The following ATP8B4 variants were observed in gnomAD, a reference collection of about 807,000 sequenced individuals.
ATP8B4 encodes the protein ATPase phospholipid transporting 8B4 (putative), also known as probable phospholipid-transporting ATPase IM.
ATP8B4 carries 133 observed loss-of-function variants against 145.6 expected under a neutral mutation model. The observed-to-expected ratio is 0.91, with a 90% CI of 0.79 to 1.05. The LOEUF is 1.05. ATP8B4 is among the 50% of genes least tolerant of loss of function. The pLI is 0.00. For missense variants in ATP8B4, 1,458 were observed against 1,425.2 expected, an observed-to-expected ratio of 1.02 and a Z score of -0.37; for synonymous variants, 507 against 492.9, an observed-to-expected ratio of 1.03 and a Z score of -0.38.
chr15:49,957,688 G>A (rs146817106), intron 14 of ATP8B4, among the ~76,000 whole-genome samples: 8 of 152,060 alleles, frequency 5.3e-5, no homozygotes, highest in African/African-American at 1.9e-4. Context: ...AGTCAAAAAA[G>A]AGTACTTTTA....
At chr15:50,085,933 ATATT>A (rs1472533810) in intron 2 of ATP8B4, among the ~76,000 whole-genome samples, 63 of 39,830 alleles carry the variant, frequency 1.6e-3, no homozygotes, top group South Asian at 4.2e-3. Flanking sequence ...TATATCATAT[ATATT>A]TATATATGAT....
chr15:50,143,863 A>C (rs1017909262), intron 1 of ATP8B4, among the ~76,000 whole-genome samples: 2 of 152,250 alleles, frequency 1.3e-5, no homozygotes, highest in African/African-American at 2.4e-5. Flanking sequence ...GAAAACCCAG[A>C]AAATACAGGC....
At chr15:50,105,445 T>G (rs896830934) in intron 2 of ATP8B4, among the ~76,000 whole-genome samples, 6 of 152,064 alleles carry the variant, frequency 3.9e-5, no homozygotes, top group African/African-American at 1.4e-4. Context: ...ATTTTCAAAA[T>G]TAAAAGTTAG....
intron 1 of ATP8B4, among the ~76,000 whole-genome samples, chr15:50,173,334 T>C (rs2044715307): frequency 1.3e-5 from 2 of 152,120 alleles, no homozygotes; most frequent in Admixed American, 1.3e-4. Context: ...GGAGACTCCA[T>C]TTTGTTCTGT....
intron 14 of ATP8B4, among the ~76,000 whole-genome samples, chr15:49,948,461 G>A (rs1035599668): frequency 6.6e-6 from 1 of 151,842 alleles, no homozygotes; most frequent in Non-Finnish European, 1.5e-5. Flanking sequence ...AAAAAAGACT[G>A]CTCAGCAAAG....
At chr15:50,173,920 C>T (rs2044726003) in intron 1 of ATP8B4, among the ~76,000 whole-genome samples, 1 of 152,130 alleles carries the variant, frequency 6.6e-6, no homozygotes, top group South Asian at 2.1e-4. Context: ...CTAAATCCAA[C>T]AACATATCAA....
chr15:49,997,708 A>C (rs1169709651), intron 8 of ATP8B4, among the ~76,000 whole-genome samples: 2 of 152,106 alleles, frequency 1.3e-5, no homozygotes, highest in African/African-American at 4.8e-5. Context: ...CAGGTACCTA[A>C]GAAGGCATCC....
intron 25 of ATP8B4, among the ~76,000 whole-genome samples, chr15:49,870,974 G>A (rs1324366597): frequency 6.6e-6 from 1 of 152,238 alleles, no homozygotes; most frequent in African/African-American, 2.4e-5. Flanking sequence ...ATTCCCACAT[G>A]AGTGAGAGAG....
At chr15:49,971,322 A>C (rs2153521160) in intron 13 of ATP8B4, among the ~76,000 whole-genome samples, 1 of 152,362 alleles carries the variant, frequency 6.6e-6, no homozygotes, top group East Asian at 1.9e-4. Flanking sequence ...CTATCATCAG[A>C]GTGAACAGGC....
intron 1 of ATP8B4, among the ~76,000 whole-genome samples, chr15:50,137,881 T>A (rs2044144668): frequency 6.6e-6 from 1 of 152,170 alleles, no homozygotes; most frequent in Admixed American, 6.5e-5. Context: ...TTAAGGATGT[T>A]TTCACTGTAC....
intron 5 of ATP8B4, among the ~76,000 whole-genome samples, chr15:50,042,880 G>A (rs2051410282): frequency 6.6e-6 from 1 of 152,068 alleles, no homozygotes; most frequent in Non-Finnish European, 1.5e-5. Flanking sequence ...AGTAGGGAGA[G>A]AAAAATAGAA....
At chr15:49,939,911 G>A (rs1008794016) in intron 14 of ATP8B4, among the ~76,000 whole-genome samples, 3 of 152,192 alleles carry the variant, frequency 2.0e-5, no homozygotes, top group African/African-American at 4.8e-5. Flanking sequence ...ATGCTGGTGA[G>A]GATGTGGAGT....
chr15:50,137,326 T>C (rs2044136273), intron 1 of ATP8B4, among the ~76,000 whole-genome samples: 2 of 152,220 alleles, frequency 1.3e-5, no homozygotes, highest in African/African-American at 4.8e-5. Flanking sequence ...AGAAGCTGTC[T>C]AGATCCTCCA....
intron 6 of ATP8B4, among the ~76,000 whole-genome samples, chr15:50,020,353 T>C (rs868161515): frequency 9.4e-5 from 14 of 149,304 alleles, no homozygotes; most frequent in South Asian, 2.2e-4. Flanking sequence ...CACTGCAACA[T>C]CCACTTCCCA....
At chr15:49,929,793 A>T (rs72734804) in intron 16 of ATP8B4, among the ~76,000 whole-genome samples, 423 of 152,234 alleles carry the variant, frequency 2.8e-3, no homozygotes, top group Non-Finnish European at 4.4e-3. Flanking sequence ...AACAGTCTCA[A>T]ATACTACTAA....
chr15:49,950,590 T>TAAA (rs766902500), intron 14 of ATP8B4, among the ~76,000 whole-genome samples: 24 of 46,132 alleles, frequency 5.2e-4, no homozygotes, highest in East Asian at 1.3e-3. Flanking sequence ...ATGTATTAAC[T>TAAA]AAAAAAAAAA....
At chr15:50,169,403 C>A (rs2044639127) in intron 1 of ATP8B4, among the ~76,000 whole-genome samples, 1 of 152,228 alleles carries the variant, frequency 6.6e-6, no homozygotes, top group African/African-American at 2.4e-5. Flanking sequence ...GGTAGACTCA[C>A]TGGGTGGTGA....
chr15:49,934,992 C>A (rs1027676140), intron 14 of ATP8B4, among the ~76,000 whole-genome samples: 7 of 150,306 alleles, frequency 4.7e-5, no homozygotes, highest in African/African-American at 1.5e-4. Context: ...AGAGAAACTG[C>A]ATTAACTTTT....
chr15:49,963,368 C>A (rs539303188), intron 13 of ATP8B4, among the ~76,000 whole-genome samples: 1 of 151,964 alleles, frequency 6.6e-6, no homozygotes, highest in African/African-American at 2.4e-5. Flanking sequence ...TCCTCAAGGA[C>A]CTAAAGGCAG....
Sources: allele counts gnomAD v4.1 joint callset (sites outside exome capture counted in the v4.1 genomes callset), GRCh38; gene constraint gnomAD v4.1.1; transcripts MANE v1.5; gene names NCBI Gene and HGNC (gene_info 2026-07-23, HGNC 2026-07-21).